Variants in TNRC6B observed in about 807,000 individuals in gnomAD.
The protein encoded by TNRC6B is trinucleotide repeat-containing gene 6B protein.
In TNRC6B, 52 loss-of-function variants were observed where a neutral mutation model predicts 203.6. The observed-to-expected ratio is 0.26, with a 90% CI of 0.20 to 0.32. TNRC6B has a LOEUF of 0.32. TNRC6B is among the 10% of genes least tolerant of loss of function. The probability of loss-of-function intolerance (pLI) is 1.00; values close to 1 mark genes in which losing one functional copy is unlikely to be tolerated. For synonymous variants in TNRC6B, 838 were observed against 845.7 expected (o/e 0.99, Z 0.16); for missense variants, 1,923 against 2,286.2 (o/e 0.84, Z 3.24).
At chr22:40,170,773 ATATATG>A in intron 4 of TNRC6B, among the ~76,000 whole-genome samples, 4 of 77,966 alleles carry the variant, frequency 5.1e-5, no homozygotes, top group South Asian at 8.8e-4. Context: ...GTATATATAC[ATATATG>A]TACATATATG....
chr22:40,176,792 G>A (rs1196548141), upstream of TNRC6B, among the ~76,000 whole-genome samples: 1 of 152,190 alleles, frequency 6.6e-6, no homozygotes, highest in Non-Finnish European at 1.5e-5. Context: ...GTTAACAGGA[G>A]GGCCTGGTCT....
intron 1 of TNRC6B, among the ~76,000 whole-genome samples, chr22:40,235,867 C>T (rs2069940441): frequency 6.6e-6 from 1 of 152,148 alleles, no homozygotes; most frequent in South Asian, 2.1e-4. Flanking sequence ...CCTTTTGACT[C>T]TTAACGTGAC....
chr22:40,091,219 G>A (rs1164620951), intron 1 of TNRC6B, among the ~76,000 whole-genome samples: 2 of 151,780 alleles, frequency 1.3e-5, no homozygotes, highest in South Asian at 2.1e-4. Context: ...TCCTGACCTC[G>A]TGATCCGCCC....
chr22:40,295,589 C>G (rs2070928506), intron 12 of TNRC6B, among the ~76,000 whole-genome samples: 2 of 151,748 alleles, frequency 1.3e-5, no homozygotes, highest in Admixed American at 1.3e-4. Flanking sequence ...GACCGTGATG[C>G]CAAAGAATGA....
At chr22:40,280,738 G>A (rs992392417) in intron 10 of TNRC6B, among the ~76,000 whole-genome samples, 2 of 152,126 alleles carry the variant, frequency 1.3e-5, no homozygotes, top group South Asian at 4.1e-4. Flanking sequence ...TTTAAATCTG[G>A]CACGTTTTGA....
At chr22:40,131,309 C>T (rs941747155) in intron 3 of TNRC6B, among the ~76,000 whole-genome samples, 4 of 151,840 alleles carry the variant, frequency 2.6e-5, no homozygotes, top group Non-Finnish European at 2.9e-5. Context: ...GTAACATTTT[C>T]TTGGAGAGAG....
At chr22:40,081,683 T>G (rs1264515562) in intron 1 of TNRC6B, among the ~76,000 whole-genome samples, 1 of 152,322 alleles carries the variant, frequency 6.6e-6, no homozygotes, top group Admixed American at 6.5e-5. Flanking sequence ...TCCTCCTTTA[T>G]AGGGTTCTTG....
intron 3 of TNRC6B, among the ~76,000 whole-genome samples, chr22:40,128,082 A>C (rs1488346993): frequency 6.6e-6 from 1 of 152,238 alleles, no homozygotes; most frequent in African/African-American, 2.4e-5. Context: ...AGAATGAATT[A>C]GACTCAAGAA....
At chr22:40,295,447 C>G (rs1462741598) in intron 12 of TNRC6B, among the ~76,000 whole-genome samples, 1 of 146,972 alleles carries the variant, frequency 6.8e-6, no homozygotes, top group African/African-American at 2.5e-5. Context: ...GCACTCCAGC[C>G]TGGGCAACAG....
chr22:40,319,411 ACTTTT>A (rs72240050), intron 21 of TNRC6B, among the ~76,000 whole-genome samples: 13,941 of 146,854 alleles, frequency 0.095, 651 homozygotes, highest in East Asian at 0.13. Context: ...TGTTGTTATA[ACTTTT>A]CTTTTCTTTT....
At chr22:40,243,189 C>T (rs1284914661) in intron 1 of TNRC6B, among the ~76,000 whole-genome samples, 1 of 151,930 alleles carries the variant, frequency 6.6e-6, no homozygotes, top group African/African-American at 2.4e-5. Flanking sequence ...TAAAGCTCCC[C>T]AAATGGTGCT....
intron 3 of TNRC6B, among the ~76,000 whole-genome samples, chr22:40,142,859 G>A (rs894413116): frequency 1.3e-5 from 2 of 150,706 alleles, no homozygotes; most frequent in Non-Finnish European, 3.0e-5. Context: ...AGGTGCTGGA[G>A]GAACTGGATA....
chr22:40,051,596 C>A (rs1239323487), intron 1 of TNRC6B, among the ~76,000 whole-genome samples: 1 of 152,190 alleles, frequency 6.6e-6, no homozygotes, highest in African/African-American at 2.4e-5. Flanking sequence ...TTCCTGCTCC[C>A]TCCCAAATCG....
intron 1 of TNRC6B, among the ~76,000 whole-genome samples, chr22:40,222,728 CTTTTTTTTTTTTT>C (rs61374373): frequency 5.1e-3 from 204 of 40,202 alleles, no homozygotes; most frequent in Non-Finnish European, 6.1e-3. Flanking sequence ...CTCTCTCTCT[CTTTTTTTTTTTTT>C]TTTTTTTTTT....
chr22:40,334,201 C>CCCA lies in TNRC6B; in HGVS notation c.*10969_*10971dup, dbSNP rs1372983101. On this transcript the variant is annotated 3_prime_UTR_variant, in exon 23 of 23. Transcript: ENST00000454349. ...TGCACTTCTTTCCTGGGACACTCCC[C>CCCA]CCACCACCACCCTTTGCACACACCA... 6.5e-6 allele frequency: 1 copy of CCCA among 152,860 alleles called. No homozygotes were observed. The highest frequency in any genetic ancestry group is 1.5e-5 in the Non-Finnish European group (1 of 68,252). The allele number at this position is 152,860 out of a possible 1,614,324, so 9.5% of individuals were successfully genotyped here. A position where few individuals can be genotyped will look rare whatever the true frequency, so the allele number is the denominator to read the frequency against.
In TNRC6B at chr22:40,327,054, G is replaced by A. The variant is rs1029151608; in HGVS notation, c.*3813G>A. ...CTTTTGTATTCCCTCCTGGGGCCAG[G>A]GGTCAGAATTCCCAAGCATGACCAC... On this transcript the variant is annotated 3_prime_UTR_variant, in exon 23 of 23. Transcript: ENST00000454349. 1.3e-5 allele frequency: 2 copies of A among 152,610 alleles called. No individual in the cohort carries two copies. The highest frequency in any genetic ancestry group is 4.8e-5 in the African/African-American group (2 of 41,438). 9.5% of individuals were successfully genotyped at this position (152,610 alleles called of 1,614,324 possible). A position where few individuals can be genotyped will look rare whatever the true frequency, so the allele number is the denominator to read the frequency against.
chr22:40,196,502 G>C (rs563288953), intron 1 of TNRC6B, among the ~76,000 whole-genome samples: 1 of 152,168 alleles, frequency 6.6e-6, no homozygotes, highest in East Asian at 1.9e-4. Flanking sequence ...GAGTCTCTAG[G>C]ACTTGTTGGC....
At chr22:40,312,383 T>A in intron 17 of TNRC6B, 122 bp from the exon 18 acceptor site, 1 of 1,047,236 alleles carries the variant, frequency 9.5e-7, no homozygotes, top group African/African-American at 1.6e-5. Context: ...GTGATGAAAA[T>A]CTAAGAGACA....
At chr22:40,199,335 A>G (rs1216737087) in intron 1 of TNRC6B, among the ~76,000 whole-genome samples, 1 of 152,162 alleles carries the variant, frequency 6.6e-6, no homozygotes, top group Non-Finnish European at 1.5e-5. Flanking sequence ...CAACTTTCCA[A>G]TGGAGAGGCC....
Sources: gnomAD v4.1 joint callset for allele counts (sites outside exome capture counted in the v4.1 genomes callset) on GRCh38, gnomAD v4.1.1 for gene constraint, MANE v1.5 for transcripts, NCBI Gene and HGNC (gene_info 2026-07-23, HGNC 2026-07-21) for gene names.